Variants in CSMD1 observed in about 807,000 individuals in gnomAD.
The protein encoded by CSMD1 is CUB and Sushi multiple domains 1, also known as CUB and sushi domain-containing protein 1.
Under a neutral mutation model 417.5 loss-of-function variants are expected in CSMD1, and 213 were observed. That is an observed-to-expected ratio of 0.51 (90% confidence interval 0.46 to 0.57). CSMD1 has a LOEUF of 0.57. Among genes scored for constraint, CSMD1 ranks in the 20% least tolerant of loss-of-function variants. The pLI is 0.00. For missense variants in CSMD1, 6,923 were observed against 4,529.7 expected (o/e 1.53, Z -15.17); for synonymous variants, 2,862 against 1,736.8 (o/e 1.65, Z -16.11).
At chr8:3,020,371 T>C (rs185646559) in intron 51 of CSMD1, among the ~76,000 whole-genome samples, 11 of 152,230 alleles carry the variant, frequency 7.2e-5, no homozygotes, top group African/African-American at 2.4e-4. Flanking sequence ...CCAGCCCTTT[T>C]GTTGTTGTTT....
At chr8:4,873,985 A>C (rs1802888652) in intron 1 of CSMD1, among the ~76,000 whole-genome samples, 1 of 152,138 alleles carries the variant, frequency 6.6e-6, no homozygotes, top group South Asian at 2.1e-4. Flanking sequence ...TCTCATTCGG[A>C]GTAAATAACC....
Position 3,369,358 on chromosome 8 carries a change from C to A in CSMD1, c.2795G>T (p.Gly932Val). ...TGTTCCACTCTTCCCTTGGATGTAG[C>A]CTCCACATAGAGCTTAAAATAATAA... is the stretch of plus-strand genomic sequence containing the variant. ...ALPSCDALCG[G>V]YIQGKSGTVL... Residue 932 changes from glycine (G) to valine (V), a missense_variant, in exon 19 of 70, where the codon GGC becomes GTC. Physicochemically the swap from Gly to Val is moderately radical, Grantham distance 109. Transcript: ENST00000635120. 6.4e-7 allele frequency: 1 copy of A among 1,552,540 alleles called. No homozygotes were observed. Among genetic ancestry groups the A allele is most frequent in the Non-Finnish European group, 8.9e-7 (1 of 1,125,248 alleles).
intron 1 of CSMD1, among the ~76,000 whole-genome samples, chr8:4,664,087 C>G (rs916900864): frequency 6.6e-6 from 1 of 152,134 alleles, no homozygotes; most frequent in East Asian, 1.9e-4. Context: ...TGTGCGTCAT[C>G]GTACAGCCTC....
intron 46 of CSMD1, among the ~76,000 whole-genome samples, chr8:3,102,599 G>A (rs1815836525): frequency 6.6e-6 from 1 of 152,150 alleles, no homozygotes; most frequent in Non-Finnish European, 1.5e-5. Flanking sequence ...GCATCTTTAG[G>A]GGATCATGTC....
chr8:3,606,283 G>C (rs1270517174), intron 8 of CSMD1, among the ~76,000 whole-genome samples: 1 of 152,056 alleles, frequency 6.6e-6, no homozygotes, highest in Non-Finnish European at 1.5e-5. Flanking sequence ...ACATCACAGA[G>C]GGCCCTTACA....
chr8:4,552,306 G>A (rs766375698), intron 2 of CSMD1, among the ~76,000 whole-genome samples: 1 of 151,878 alleles, frequency 6.6e-6, no homozygotes, highest in Non-Finnish European at 1.5e-5. Context: ...GAAACGTTAT[G>A]CATATCCCTA....
chr8:4,144,744 G>C (rs1804007434), intron 3 of CSMD1, among the ~76,000 whole-genome samples: 1 of 151,040 alleles, frequency 6.6e-6, no homozygotes, highest in Non-Finnish European at 1.5e-5. Flanking sequence ...ACTTTCTAGA[G>C]ACTTCTCAGA....
intron 1 of CSMD1, among the ~76,000 whole-genome samples, chr8:4,664,088 G>A (rs763810415): frequency 5.9e-5 from 9 of 152,110 alleles, no homozygotes; most frequent in African/African-American, 1.7e-4. Flanking sequence ...GTGCGTCATC[G>A]TACAGCCTCA....
intron 1 of CSMD1, among the ~76,000 whole-genome samples, chr8:4,886,989 C>T (rs930983198): frequency 6.6e-6 from 1 of 151,998 alleles, no homozygotes. Flanking sequence ...TTCTGCTCAA[C>T]TCTTATATAT....
intron 10 of CSMD1, 73 bp downstream of exon 10, chr8:3,574,872 C>T (rs1485042619): frequency 2.0e-6 from 3 of 1,505,918 alleles, no homozygotes; most frequent in East Asian, 2.3e-5. Context: ...ATTTGCTGGG[C>T]TGTTTGCTTC....
intron 5 of CSMD1, among the ~76,000 whole-genome samples, chr8:3,803,380 G>A (rs78232049): frequency 0.016 from 2,401 of 152,244 alleles, 51 homozygotes; most frequent in East Asian, 0.038. Context: ...GCTGATCACT[G>A]AACCCACGCT....
At chr8:4,149,743 A>C (rs1383302400) in intron 3 of CSMD1, among the ~76,000 whole-genome samples, 2 of 152,158 alleles carry the variant, frequency 1.3e-5, no homozygotes, top group Non-Finnish European at 2.9e-5. Context: ...CCTCAACTCC[A>C]AGCATCCAGC....
chr8:4,759,878 T>C (rs1264806124), intron 1 of CSMD1, among the ~76,000 whole-genome samples: 3 of 152,232 alleles, frequency 2.0e-5, no homozygotes. Context: ...AATATAGGCA[T>C]GCATGTGTAT....
At chr8:3,355,681 G>A (rs1356546104) in intron 21 of CSMD1, among the ~76,000 whole-genome samples, 3 of 152,172 alleles carry the variant, frequency 2.0e-5, no homozygotes, top group African/African-American at 7.2e-5. Flanking sequence ...GCAAAACTGA[G>A]AGATGCTGAG....
At chr8:4,719,955 A>T (rs879720803) in intron 1 of CSMD1, among the ~76,000 whole-genome samples, 63 of 152,220 alleles carry the variant, frequency 4.1e-4, no homozygotes, top group Middle Eastern at 3.4e-3. Flanking sequence ...ACCTCACTTT[A>T]AATTTTTTGT....
intron 2 of CSMD1, among the ~76,000 whole-genome samples, chr8:4,520,500 T>G (rs950977906): frequency 6.6e-6 from 1 of 152,246 alleles, no homozygotes; most frequent in Admixed American, 6.5e-5. Context: ...CACACAGTAC[T>G]AAAGCAGAGA....
At chr8:3,668,925 T>C (rs1798841320) in intron 7 of CSMD1, among the ~76,000 whole-genome samples, 1 of 152,172 alleles carries the variant, frequency 6.6e-6, no homozygotes, top group Non-Finnish European at 1.5e-5. Context: ...GCCATAGCTC[T>C]TTGAGAGGCG....
chr8:3,846,830 C>A (rs566644500), intron 5 of CSMD1, among the ~76,000 whole-genome samples: 3 of 152,184 alleles, frequency 2.0e-5, no homozygotes, highest in African/African-American at 7.2e-5. Flanking sequence ...CCTGCCACCA[C>A]GTCTGGCTAA....
intron 33 of CSMD1, among the ~76,000 whole-genome samples, chr8:3,197,753 C>A (rs1038216619): frequency 6.6e-6 from 1 of 152,138 alleles, no homozygotes; most frequent in South Asian, 2.1e-4. Context: ...CTTGAGCCAC[C>A]GTGCCCGGCT....
Sources: gnomAD v4.1 joint callset for allele counts (sites outside exome capture counted in the v4.1 genomes callset) on GRCh38, gnomAD v4.1.1 for gene constraint, MANE v1.5 for transcripts, NCBI Gene and HGNC (gene_info 2026-07-23, HGNC 2026-07-21) for gene names.